The following GALNT18 variants were observed in gnomAD, a reference collection of about 807,000 sequenced individuals.
GALNT18 encodes polypeptide N-acetylgalactosaminyltransferase 18, also known as GalNAc-transferase 18.
A neutral mutation model predicts 69.5 loss-of-function variants in GALNT18; 44 were observed. That is an observed-to-expected ratio of 0.63 (90% CI 0.50 to 0.81). GALNT18 has a LOEUF of 0.81. GALNT18 is among the 40% of genes least tolerant of loss of function. The pLI is 0.00. For synonymous variants in GALNT18, 364 were observed against 318.2 expected, an observed-to-expected ratio of 1.14 and a Z score of -1.53; for missense variants, 715 against 810.0, an observed-to-expected ratio of 0.88 and a Z score of 1.42.
chr11:11,612,885 C>A (rs1859946526), intron 1 of GALNT18, among the ~76,000 whole-genome samples: 1 of 152,176 alleles, frequency 6.6e-6, no homozygotes, highest in Admixed American at 6.5e-5. Flanking sequence ...TTTCTGTGAG[C>A]TCTTAAAGGA....
chr11:11,275,274 T>C (rs1039225097), intron 10 of GALNT18, among the ~76,000 whole-genome samples: 2 of 152,266 alleles, frequency 1.3e-5, no homozygotes, highest in African/African-American at 4.8e-5. Context: ...GCGGTTTTGA[T>C]TTGCATTTCT....
At position 11,463,554 on chromosome 11, in the gene GALNT18, C is replaced by G. The variant is rs1390472618; in HGVS notation, c.236-14618G>C. Among the ~76,000 whole-genome samples, 1 of 152,192 alleles carries G rather than the reference C, an allele frequency of 6.6e-6. No homozygotes were observed. Among genetic ancestry groups the G allele is most frequent in the Non-Finnish European group, 1.5e-5 (1 of 68,036 alleles). On this transcript the variant is annotated intron_variant, in intron 1 of 10. Transcript: ENST00000227756. This position sits in a 1 kb window ranked among gnomAD's most constrained non-coding sequence, Gnocchi z 4.2. ...CCCCAGGGCTGAGCGTGCCATCACT[C>G]CCAGCAGCTGTCGGCTCACTGGACG...
At chr11:11,349,869 G>A (rs754839738) in intron 6 of GALNT18, among the ~76,000 whole-genome samples, 16 of 152,198 alleles carry the variant, frequency 1.1e-4, no homozygotes, top group Non-Finnish European at 2.2e-4. Flanking sequence ...CTGAGGATAT[G>A]GTTTCCCAAG....
At chr11:11,479,569 A>C (rs1201556848) in intron 1 of GALNT18, among the ~76,000 whole-genome samples, 1 of 139,836 alleles carries the variant, frequency 7.2e-6, no homozygotes, top group African/African-American at 2.6e-5. Flanking sequence ...ATTTTATTTT[A>C]TTATAGATAC....
In GALNT18 at chr11:11,500,047, C is replaced by G. The variant is rs533832591; in HGVS notation, c.236-51111G>C. ...AGAAAAAAGATCAAGAGAAAGGGAG[C>G]AAAATCAAAAAGAGAGGCCAAGCAT... On this transcript the variant is annotated intron_variant, in intron 1 of 10. Coordinates refer to ENST00000227756, the MANE Select transcript of GALNT18 (RefSeq NM_198516.3). The surrounding 1 kb of genome is among the most constrained non-coding windows in gnomAD (Gnocchi z 5.0). Among the ~76,000 whole-genome samples the G allele has an allele frequency of 8.5e-5, 13 of 152,248 alleles. No homozygotes were observed. The highest frequency in any genetic ancestry group is 3.1e-4 in the African/African-American group (13 of 41,548).
At chr11:11,456,763 C>T (rs1035714059) in intron 1 of GALNT18, among the ~76,000 whole-genome samples, 6 of 152,198 alleles carry the variant, frequency 3.9e-5, no homozygotes, top group African/African-American at 1.4e-4. Context: ...TCCCCATGAT[C>T]ATGCCCAGTC....
At chr11:11,352,722 A>G (rs2071460) in intron 6 of GALNT18, 761,051 of 1,613,856 alleles carry the variant, frequency 0.47, 182,912 homozygotes, top group East Asian at 0.58. Context: ...GTAAAATCGA[A>G]TATCATAGTC....
intron 9 of GALNT18, among the ~76,000 whole-genome samples, chr11:11,296,679 G>A (rs1359820299): frequency 6.6e-6 from 1 of 152,208 alleles, no homozygotes; most frequent in Non-Finnish European, 1.5e-5. Flanking sequence ...TGGGAGAGAC[G>A]TGTGCACTTA....
chr11:11,408,768 C>G (rs1317781715), intron 3 of GALNT18, among the ~76,000 whole-genome samples: 2 of 152,140 alleles, frequency 1.3e-5, no homozygotes, highest in African/African-American at 4.8e-5. Context: ...GCGTCTGGAG[C>G]CTCCACCCTC....
At chr11:11,518,986 T>C (rs1027983870) in intron 1 of GALNT18, among the ~76,000 whole-genome samples, 8 of 152,196 alleles carry the variant, frequency 5.3e-5, no homozygotes, top group Admixed American at 2.6e-4. Context: ...GCCAGCCTCC[T>C]TGATGGAACC....
intron 2 of GALNT18, among the ~76,000 whole-genome samples, chr11:11,443,079 T>C (rs1245104593): frequency 6.6e-6 from 1 of 152,206 alleles, no homozygotes; most frequent in Non-Finnish European, 1.5e-5. Context: ...CTGTGCCCCT[T>C]GTTTGGAAAC....
In GALNT18 at chr11:11,564,709, C is replaced by T. The variant is rs915061959; in HGVS notation, c.235+56650G>A. ...CCCAAGAAGTATCCAGCCAGTCAAC[C>T]CACACAGCACATTTGCCTAGACTAT... On this transcript the variant is annotated intron_variant, in intron 1 of 10. Coordinates refer to ENST00000227756, the MANE Select transcript of GALNT18 (RefSeq NM_198516.3). This position sits in a 1 kb window ranked among gnomAD's most constrained non-coding sequence, Gnocchi z 4.3. Among the ~76,000 whole-genome samples, 2 of 152,182 alleles carry T rather than the reference C, an allele frequency of 1.3e-5. No individual in the cohort carries two copies. Among genetic ancestry groups the T allele is most frequent in the African/African-American group, 4.8e-5 (2 of 41,434 alleles).
chr11:11,303,093 C>A (rs900225349), intron 9 of GALNT18, among the ~76,000 whole-genome samples: 1 of 152,190 alleles, frequency 6.6e-6, no homozygotes, highest in South Asian at 2.1e-4. Flanking sequence ...GGGCACTCCC[C>A]AGCCCTGGCC....
rs961743176 is a variant in GALNT18, at chr11:11,617,253, A to G, written c.235+4106T>C. ...TTTGTTGTACTCTCCTCTTTAACCA[A>G]TTTTTCTATTAACTAACTCAAGCCC... On this transcript the variant is annotated intron_variant, in intron 1 of 10. Coordinates refer to ENST00000227756, the MANE Select transcript of GALNT18 (RefSeq NM_198516.3). The surrounding 1 kb of genome is among the most constrained non-coding windows in gnomAD (Gnocchi z 4.7). Among the ~76,000 whole-genome samples, 1 of 152,178 alleles carries G rather than the reference A, an allele frequency of 6.6e-6. No homozygotes were observed. The highest frequency in any genetic ancestry group is 1.5e-5 in the Non-Finnish European group (1 of 68,030).
intron 1 of GALNT18, among the ~76,000 whole-genome samples, chr11:11,589,246 G>A (rs943042645): frequency 6.6e-6 from 1 of 152,148 alleles, no homozygotes; most frequent in African/African-American, 2.4e-5. Context: ...GAAGTGGGGG[G>A]AGAAGTGGCT....
At chr11:11,324,257 C>G (rs2632005) in intron 9 of GALNT18, among the ~76,000 whole-genome samples, 137,094 of 152,262 alleles carry the variant, frequency 0.9, 61,817 homozygotes, top group Middle Eastern at 0.97. Flanking sequence ...GTCTACTAAA[C>G]TGAACATATT....
intron 2 of GALNT18, among the ~76,000 whole-genome samples, chr11:11,441,092 A>G (rs573806190): frequency 3.2e-4 from 49 of 152,316 alleles, no homozygotes; most frequent in African/African-American, 9.1e-4. Context: ...TTAAAACCCA[A>G]TTCTGCAGTT....
intron 3 of GALNT18, among the ~76,000 whole-genome samples, chr11:11,395,489 TG>T (rs1854305529): frequency 1.3e-5 from 2 of 152,140 alleles, no homozygotes; most frequent in Admixed American, 1.3e-4. Flanking sequence ...TCCCATGAGA[TG>T]GGGAAACTGA....
intron 1 of GALNT18, among the ~76,000 whole-genome samples, chr11:11,484,298 T>A (rs7113095): frequency 0.97 from 147,970 of 152,056 alleles, 72,108 homozygotes; most frequent in East Asian, 1. Flanking sequence ...TCATTTCAAA[T>A]ATAGCCAGGT....
Sources: gnomAD v4.1 joint callset for allele counts (sites outside exome capture counted in the v4.1 genomes callset) on GRCh38, gnomAD v4.1.1 for gene constraint, Gnocchi (gnomAD v3.1) non-coding constraint, MANE v1.5 for transcripts, NCBI Gene and HGNC (gene_info 2026-07-23, HGNC 2026-07-21) for gene names.